CDH12: variants seen among roughly 807,000 people sequenced by gnomAD.
CDH12 encodes cadherin 12.
In CDH12, 41 loss-of-function variants were observed where a neutral mutation model predicts 74.1. The observed-to-expected ratio is 0.55, with a 90% CI of 0.43 to 0.72. The LOEUF (loss-of-function observed/expected upper bound fraction) is 0.72. Among genes scored for constraint, CDH12 ranks in the 30% least tolerant of loss-of-function variants. The pLI is 0.00. For synonymous variants in CDH12, 399 were observed against 355.0 expected (o/e 1.12, Z -1.39); for missense variants, 945 against 977.2 (o/e 0.97, Z 0.44).
At chr5:21,880,611 CCTT>C (rs1561268307) in intron 6 of CDH12, among the ~76,000 whole-genome samples, 5 of 79,488 alleles carry the variant, frequency 6.3e-5, no homozygotes, top group African/African-American at 2.3e-4. Context: ...TTCCTTCCTT[CCTT>C]CCTTCTTTCT....
intron 4 of CDH12, among the ~76,000 whole-genome samples, chr5:22,144,607 A>G (rs1274972083): frequency 6.6e-6 from 1 of 152,128 alleles, no homozygotes; most frequent in African/African-American, 2.4e-5. Flanking sequence ...ATGTGGAGGC[A>G]TCTTTCCTAT....
At chr5:22,752,919 A>G (rs1396002515) in intron 1 of CDH12, among the ~76,000 whole-genome samples, 2 of 151,948 alleles carry the variant, frequency 1.3e-5, no homozygotes, top group Admixed American at 1.3e-4. Flanking sequence ...GAAGACAGAT[A>G]AGGCAAGTAA....
intron 5 of CDH12, among the ~76,000 whole-genome samples, chr5:22,034,534 A>G (rs899616732): frequency 6.6e-6 from 1 of 152,224 alleles, no homozygotes; most frequent in African/African-American, 2.4e-5. Flanking sequence ...TCCCACGACC[A>G]GCTGAACATT....
intron 7 of CDH12, among the ~76,000 whole-genome samples, chr5:21,853,774 A>G (rs1333997168): frequency 6.6e-6 from 1 of 151,710 alleles, no homozygotes; most frequent in South Asian, 2.1e-4. Flanking sequence ...AAATCAATTT[A>G]CAAATTTAAA....
intron 3 of CDH12, among the ~76,000 whole-genome samples, chr5:22,342,729 C>T (rs1214163745): frequency 9.7e-5 from 13 of 133,910 alleles, no homozygotes; most frequent in African/African-American, 3.7e-4. Context: ...TCTCTCTCTC[C>T]TTCCTTCCTT....
intron 6 of CDH12, among the ~76,000 whole-genome samples, chr5:21,924,973 C>T (rs1224643234): frequency 2.6e-5 from 4 of 152,280 alleles, no homozygotes; most frequent in Non-Finnish European, 4.4e-5. Context: ...GAGAATGCAA[C>T]ATATTTAATT....
At chr5:21,837,210 C>T (rs1021170700) in intron 8 of CDH12, among the ~76,000 whole-genome samples, 1 of 151,948 alleles carries the variant, frequency 6.6e-6, no homozygotes, top group African/African-American at 2.4e-5. Flanking sequence ...AGTCTAGATC[C>T]TCATCACATC....
chr5:22,725,404 A>C (rs1274551513), intron 1 of CDH12, among the ~76,000 whole-genome samples: 2 of 151,850 alleles, frequency 1.3e-5, no homozygotes, highest in Non-Finnish European at 2.9e-5. Flanking sequence ...AAGTTAATCT[A>C]GCTCAATCTC....
chr5:22,612,934 G>C (rs72637720), intron 1 of CDH12, among the ~76,000 whole-genome samples: 20 of 152,188 alleles, frequency 1.3e-4, no homozygotes, highest in African/African-American at 4.8e-4. Flanking sequence ...CTTGGAAGAA[G>C]TGAAATTTGA....
intron 6 of CDH12, among the ~76,000 whole-genome samples, chr5:21,906,056 C>T (rs997517205): frequency 6.6e-6 from 1 of 152,018 alleles, no homozygotes; most frequent in Non-Finnish European, 1.5e-5. Context: ...TAATATGTTA[C>T]TATAAGTACA....
At chr5:22,612,504 TA>T (rs1737458527) in intron 1 of CDH12, among the ~76,000 whole-genome samples, 1 of 152,148 alleles carries the variant, frequency 6.6e-6, no homozygotes, top group Non-Finnish European at 1.5e-5. Context: ...TAATTTTACT[TA>T]ACAAATTTAT....
intron 3 of CDH12, among the ~76,000 whole-genome samples, chr5:22,274,870 T>C (rs1429249120): frequency 6.6e-6 from 1 of 152,168 alleles, no homozygotes; most frequent in Non-Finnish European, 1.5e-5. Flanking sequence ...AAATCTGAAA[T>C]GATTTTCATT....
At chr5:21,977,914 A>T (rs1398921340) in intron 5 of CDH12, among the ~76,000 whole-genome samples, 1 of 152,152 alleles carries the variant, frequency 6.6e-6, no homozygotes, top group Non-Finnish European at 1.5e-5. Context: ...ACATTCAGTG[A>T]TCTGCGTTGA....
chr5:22,702,312 T>C (rs1344289811), intron 1 of CDH12, among the ~76,000 whole-genome samples: 1 of 152,006 alleles, frequency 6.6e-6, no homozygotes, highest in East Asian at 1.9e-4. Context: ...GTTTAGAAAG[T>C]TCATATTTCG....
At chr5:21,889,594 C>A (rs1377767633) in intron 6 of CDH12, 1 of 985,346 alleles carries the variant, frequency 1.0e-6, no homozygotes, top group African/African-American at 1.7e-5. Context: ...CCTAAAGAAG[C>A]CTCTTTCCAG....
At chr5:22,812,334 G>A (rs1460098813) in intron 1 of CDH12, among the ~76,000 whole-genome samples, 1 of 152,138 alleles carries the variant, frequency 6.6e-6, no homozygotes, top group Non-Finnish European at 1.5e-5. Context: ...CATTAAGCCT[G>A]AGCCTATACA....
intron 4 of CDH12, among the ~76,000 whole-genome samples, chr5:22,166,399 GT>G (rs1007488298): frequency 6.6e-6 from 1 of 151,944 alleles, no homozygotes; most frequent in Non-Finnish European, 1.5e-5. Context: ...AAGTCAATGG[GT>G]TTTTTTGCTT....
At position 21,851,285 on chromosome 5, in the gene CDH12, C is replaced by A. The variant is rs911388168; in HGVS notation, c.646+3386G>T. Among the ~76,000 whole-genome samples, 179 of 151,076 alleles carry A rather than the reference C, an allele frequency of 1.2e-3. 1 individual carries two copies. Among genetic ancestry groups the A allele is most frequent in the African/African-American group, 4.1e-3 (169 of 41,400 alleles). On this transcript the variant is annotated intron_variant, in intron 7 of 14. Coordinates refer to ENST00000382254, the MANE Select transcript of CDH12 (RefSeq NM_004061.5). Reference sequence around the variant, plus strand: ...AAGACTAAATTAAGACATAAGAGTTCATCATTTATACTAATATTTGTTTTC... The same window carrying A: ...AAGACTAAATTAAGACATAAGAGTTAATCATTTATACTAATATTTGTTTTC...
intron 5 of CDH12, among the ~76,000 whole-genome samples, chr5:22,073,601 T>C (rs1742102494): frequency 1.3e-5 from 2 of 152,200 alleles, no homozygotes; most frequent in Non-Finnish European, 2.9e-5. Context: ...TATGAAAACA[T>C]ACTTATCTAG....
Sources: allele counts gnomAD v4.1 joint callset (sites outside exome capture counted in the v4.1 genomes callset), GRCh38; gene constraint gnomAD v4.1.1; transcripts MANE v1.5; gene names NCBI Gene and HGNC (gene_info 2026-07-23, HGNC 2026-07-21).